PGGHG: variants seen among roughly 807,000 people sequenced by gnomAD.
The protein encoded by PGGHG is ATH1, acid trehalase-like 1.
A neutral mutation model predicts 74.5 loss-of-function variants in PGGHG; 67 were observed. That is an observed-to-expected ratio of 0.90 (90% CI 0.74 to 1.10). The LOEUF (loss-of-function observed/expected upper bound fraction) is 1.10, where lower values mean the gene tolerates loss of function less well. Among genes scored for constraint, PGGHG ranks in the 50% least tolerant of loss-of-function variants. The pLI, the probability that PGGHG is intolerant of heterozygous loss-of-function variation, is 0.00. For synonymous variants in PGGHG, 496 were observed against 419.9 expected, an observed-to-expected ratio of 1.18 and a Z score of -2.21; for missense variants, 1,034 against 981.5, an observed-to-expected ratio of 1.05 and a Z score of -0.72.
intron 11 of PGGHG, 78 bp downstream of exon 11, chr11:294,003 G>A: frequency 6.3e-7 from 1 of 1,585,562 alleles, no homozygotes; most frequent in Non-Finnish European, 8.6e-7. Flanking sequence ...GGCACAGCAG[G>A]GTGCACCCCT....
chr11:292,217 C>T lies in PGGHG; in HGVS notation c.1026+122C>T. ...GACAAAGCTGGGACATCCTAGATTC[C>T]CCACCCTGAGGCTTGTGGGGCCTCA... On this transcript the variant is annotated intron_variant, in intron 5 of 13. Transcript: ENST00000409548. The T allele has an allele frequency of 2.9e-6, 4 of 1,359,020 alleles. No individual in the cohort carries two copies. In the South Asian group the frequency reaches 4.6e-5, roughly 16 times the overall value. 84.2% of individuals were successfully genotyped at this position (1,359,020 alleles called of 1,614,324 possible). A position where few individuals can be genotyped will look rare whatever the true frequency, so the allele number is the denominator to read the frequency against.
At position 289,458 on chromosome 11, in the gene PGGHG, A is replaced by C; in HGVS notation, c.-14+219A>C. On this transcript the variant is annotated intron_variant, in intron 1 of 13. Coordinates refer to ENST00000409548, the MANE Select transcript of PGGHG (RefSeq NM_025092.5). The surrounding 1 kb of genome is among the most constrained non-coding windows in gnomAD (Gnocchi z 5.6). ...CACACGCCCGCCCCCACGTGCCACCAACAGACGCAGGTCCCGACCACAGAG... is the reference window on the plus strand; with the variant it reads ...CACACGCCCGCCCCCACGTGCCACCCACAGACGCAGGTCCCGACCACAGAG... 6.3e-6 allele frequency: 1 copy of C among 157,950 alleles called. No individual in the cohort carries two copies. The highest frequency in any genetic ancestry group is 1.3e-5 in the Non-Finnish European group (1 of 74,082). 9.8% of individuals were successfully genotyped at this position (157,950 alleles called of 1,614,324 possible).
chr11:290,986 T>C lies in PGGHG; in HGVS notation c.779T>C (p.Leu260Pro). 5 of 1,612,710 alleles carry C rather than the reference T, an allele frequency of 3.1e-6. No homozygotes were observed. The highest frequency in any genetic ancestry group is 4.2e-6 in the Non-Finnish European group (5 of 1,179,990). Residue 260 changes from leucine (L) to proline (P), a missense_variant, in exon 4 of 14, where the codon CTC (leucine) becomes CCC (proline). Coordinates refer to ENST00000409548, the MANE Select transcript of PGGHG (RefSeq NM_025092.5). The stretch of plus-strand genomic sequence containing the variant: ...CTGCGCCAGGCCCTGCGTGGCTCCC[T>C]CTACTACCTGCTCAGTGCCCTGCCC... ...LQLRQALRGSLYYLLSALPQP... is the reference protein window; with the variant it reads ...LQLRQALRGSPYYLLSALPQP...
chr11:293,967 T>TG, intron 11 of PGGHG, 42 bp downstream of exon 11: 3 of 1,599,970 alleles, frequency 1.9e-6, no homozygotes, highest in Non-Finnish European at 1.7e-6. Context: ...CCCCTTGTGG[T>TG]GGGAGTGGAG....
At chr11:293,540 G>A (rs756306006) in intron 9 of PGGHG, 38 bp downstream of exon 9, 6 of 1,612,012 alleles carry the variant, frequency 3.7e-6, no homozygotes, top group African/African-American at 1.3e-5. Flanking sequence ...CCCTGCCGTC[G>A]AGACCCTCGA....
At chr11:292,716 C>T (rs752196874) in intron 6 of PGGHG, 39 bp downstream of exon 6, 46 of 1,612,800 alleles carry the variant, frequency 2.9e-5, no homozygotes, top group Non-Finnish European at 3.4e-5. Context: ...CAAGTGTGGC[C>T]AGGCAGCTGG....
Position 294,742 on chromosome 11 carries a change from C to T in PGGHG, c.2207C>T (p.Ser736Phe), listed in dbSNP as rs746756660. The change falls in exon 14 of 14, where the codon TCT becomes TTT. Residue 736 changes from serine (S) to phenylalanine (F), a missense_variant. By Grantham distance (155) the Ser-to-Phe change is radical. Transcript: ENST00000409548. ...PTESLTVDPASE is the reference protein window; with the variant it reads ...PTESLTVDPAFE ...GAGTCACTCACTGTGGACCCTGCCT[C>T]TGAATAATCAGGAACGGTGGCTTCA... 1.9e-6 allele frequency: 3 copies of T among 1,596,708 alleles called. No individual in the cohort carries two copies. Among genetic ancestry groups the T allele is most frequent in the African/African-American group, 1.4e-5 (1 of 74,018 alleles).
Position 293,459 on chromosome 11 carries a change from C to T in PGGHG, c.1437C>T (p.Asp479=), listed in dbSNP as rs376447033. Residue 479 remains aspartate, a synonymous_variant, in exon 9 of 14, where the codon GAC becomes GAT. Transcript: ENST00000409548. ...CTGACAAGATCAAGGTACCCTTTGA[C>T]GTGGAGCAGAACTTCCACCCGGAGT... ...AVADKIKVPF[D]VEQNFHPEFD... 2.9e-5 allele frequency: 47 copies of T among 1,611,912 alleles called. No homozygotes were observed. The highest frequency in any genetic ancestry group is 5.0e-5 in the Admixed American group (3 of 59,992).
rs377335658 is a variant in PGGHG at position 291,015 on chromosome 11, C to T, written c.808C>T (p.Pro270Ser). ...CTACCTGCTCAGTGCCCTGCCCCAG[C>T]CCAAGGCCCCAGGATACATCTGCCA... ...LYYLLSALPQ[P>S]KAPGYICHGL... The change falls in exon 4 of 14, where the codon CCC becomes TCC. Residue 270 changes from proline to serine, a missense_variant. Pro to Ser is a moderately conservative substitution (Grantham distance 74, BLOSUM62 -1). Coordinates refer to ENST00000409548, the MANE Select transcript of PGGHG (RefSeq NM_025092.5). 2 of 1,612,510 alleles carry T rather than the reference C, an allele frequency of 1.2e-6. No individual in the cohort carries two copies. Among genetic ancestry groups the T allele is most frequent in the African/African-American group, 2.7e-5 (2 of 74,940 alleles).
Position 290,450 on chromosome 11 carries a change from A to T in PGGHG, c.320A>T (p.His107Leu), listed in dbSNP as rs1356167965. ...RFRASQCIYA[H>L]RTLPHVLAFR... Reference sequence around the variant, plus strand: ...CGGGCCTCCCAGTGCATCTATGCGCATCGCACGCTGCCCCACGTGCTGGCT... The same window carrying T: ...CGGGCCTCCCAGTGCATCTATGCGCTTCGCACGCTGCCCCACGTGCTGGCT... The change falls in exon 3 of 14, where the codon CAT (histidine) becomes CTT (leucine). Residue 107 changes from histidine (H) to leucine (L), a missense_variant. His to Leu is a moderately conservative substitution (Grantham distance 99). Transcript: ENST00000409548. 1.9e-6 allele frequency: 3 copies of T among 1,549,460 alleles called. No individual in the cohort carries two copies. The highest frequency in any genetic ancestry group is 2.4e-5 in the East Asian group (1 of 40,906).
rs1473016724 is a variant in PGGHG, at chr11:292,881, C to T, written c.1159-5C>T. 2 of 1,614,022 alleles carry T rather than the reference C, an allele frequency of 1.2e-6. No homozygotes were observed. Among genetic ancestry groups the T allele is most frequent in the Admixed American group, 3.3e-5 (2 of 60,020 alleles). On this transcript the variant is annotated splice_region_variant and splice_polypyrimidine_tract_variant and intron_variant, in intron 6 of 13. Coordinates refer to ENST00000409548, the MANE Select transcript of PGGHG (RefSeq NM_025092.5). ...CTGGCCTCTGTGCCTCCTCCTGCTCCCCAGGACCTGCAGCTATTTCGAGAG... is the reference window on the plus strand; with the variant it reads ...CTGGCCTCTGTGCCTCCTCCTGCTCTCCAGGACCTGCAGCTATTTCGAGAG...
chr11:289,629 G>A lies in PGGHG; in HGVS notation c.-13-175G>A, dbSNP rs1482129275. ...CTTTGGGGTCTGAGCCCCTCTGAGA[G>A]TCGAGCTCCTTTCCTGCGAGGCCCC... is the stretch of plus-strand genomic sequence containing the variant. On this transcript the variant is annotated intron_variant, in intron 1 of 13. Transcript: ENST00000409548. This position sits in a 1 kb window ranked among gnomAD's most constrained non-coding sequence, Gnocchi z 5.6. 4 of 775,360 alleles carry A rather than the reference G, an allele frequency of 5.2e-6. No individual in the cohort carries two copies. The highest frequency in any genetic ancestry group is 1.8e-5 in the African/African-American group (1 of 56,868). The allele number at this position is 775,360 out of a possible 1,614,324, so 48.0% of individuals were successfully genotyped here. A position where few individuals can be genotyped will look rare whatever the true frequency, so the allele number is the denominator to read the frequency against.
Position 293,016 on chromosome 11 carries a change from G to A in PGGHG, c.1270+19G>A, listed in dbSNP as rs752913524. The A allele has an allele frequency of 3.7e-6, 6 of 1,613,808 alleles. No homozygotes were observed. The highest frequency in any genetic ancestry group is 5.1e-6 in the Non-Finnish European group (6 of 1,179,906). On this transcript the variant is annotated intron_variant, in intron 7 of 13. Transcript: ENST00000409548. ...CTGAGGGGTGAGGCCATGGTGGGGA[G>A]GGGCTCGGGGAGGAAGGGTGGATGC...
At chr11:292,806 C>T in intron 6 of PGGHG, 80 bp from the exon 7 acceptor site, 1 of 1,608,638 alleles carries the variant, frequency 6.2e-7, no homozygotes, top group Non-Finnish European at 8.5e-7. Context: ...CAATGCCAGG[C>T]CTTGCTTCTG....
chr11:293,999 G>A, intron 11 of PGGHG, 74 bp downstream of exon 11: 1 of 1,587,854 alleles, frequency 6.3e-7, no homozygotes, highest in South Asian at 1.1e-5. Context: ...AGCAGGCACA[G>A]CAGGGTGCAC....
chr11:293,653 A>C lies in PGGHG; in HGVS notation c.1540A>C (p.Ser514Arg), dbSNP rs1845793454. 1 of 1,613,428 alleles carries C rather than the reference A, an allele frequency of 6.2e-7. No individual in the cohort carries two copies. The highest frequency in any genetic ancestry group is 1.3e-5 in the African/African-American group (1 of 75,014). Residue 514 changes from serine (S) to arginine (R), a missense_variant, in exon 10 of 14, where the codon AGT becomes CGT. Ser to Arg is a moderately radical substitution (Grantham distance 110, BLOSUM62 -1). Transcript: ENST00000409548. Reference sequence around the variant, plus strand: ...GGGATACCCAGTCCCCTTCTCCCTGAGTCCTGATGTTCGCAGGAAAAATCT... The same window carrying C: ...GGGATACCCAGTCCCCTTCTCCCTGCGTCCTGATGTTCGCAGGAAAAATCT... ...LLGYPVPFSL[S>R]PDVRRKNLEI...
Position 291,015 on chromosome 11 carries a change from C to G in PGGHG, c.808C>G (p.Pro270Ala), listed in dbSNP as rs377335658. 1.2e-6 allele frequency: 2 copies of G among 1,612,510 alleles called. No individual in the cohort carries two copies. Among genetic ancestry groups the G allele is most frequent in the African/African-American group, 1.3e-5 (1 of 74,940 alleles). Reference sequence around the variant, plus strand: ...CTACCTGCTCAGTGCCCTGCCCCAGCCCAAGGCCCCAGGATACATCTGCCA... The same window carrying G: ...CTACCTGCTCAGTGCCCTGCCCCAGGCCAAGGCCCCAGGATACATCTGCCA... ...LYYLLSALPQ[P>A]KAPGYICHGL... is the part of the protein sequence containing the mutation. The change falls in exon 4 of 14, where the codon CCC becomes GCC. Residue 270 changes from proline (P) to alanine (A), a missense_variant. Physicochemically the swap from Pro to Ala is conservative, Grantham distance 27. Transcript: ENST00000409548.
In PGGHG at chr11:295,006, C is replaced by G. The variant is rs2242564; in HGVS notation, c.*257C>G. On this transcript the variant is annotated 3_prime_UTR_variant, in exon 14 of 14. Coordinates refer to ENST00000409548, the MANE Select transcript of PGGHG (RefSeq NM_025092.5). ...CCTGTGGACTGATGCTATCGCGCAC[C>G]GTCCCACGACCCCACCCCGAGCTCC... 0.37 allele frequency: 140,455 copies of G among 382,366 alleles called. 29,076 individuals are homozygous for G. The highest frequency in any genetic ancestry group is 0.5 in the Middle Eastern group (724 of 1,452). The allele number at this position is 382,366 out of a possible 1,614,324, so 23.7% of individuals were successfully genotyped here. A position where few individuals can be genotyped will look rare whatever the true frequency, so the allele number is the denominator to read the frequency against.
In PGGHG at chr11:290,884, C is replaced by T. The variant is rs1845698120; in HGVS notation, c.677C>T (p.Ala226Val). Residue 226 changes from alanine to valine, a missense_variant, in exon 4 of 14, where the codon GCT (alanine) becomes GTT (valine). Transcript: ENST00000409548. ...TEALQLQARG[A>V]LYTAHAQAWA... Reference sequence around the variant, plus strand: ...GCCCTGCAGCTGCAGGCCAGGGGAGCTCTGTATACGGCTCACGCACAGGCC... The same window carrying T: ...GCCCTGCAGCTGCAGGCCAGGGGAGTTCTGTATACGGCTCACGCACAGGCC... 3.1e-6 allele frequency: 5 copies of T among 1,611,564 alleles called. No individual in the cohort carries two copies. Among genetic ancestry groups the T allele is most frequent in the South Asian group, 1.1e-5 (1 of 90,894 alleles).
Sources: gnomAD v4.1 joint callset for allele counts on GRCh38, gnomAD v4.1.1 for gene constraint, Gnocchi (gnomAD v3.1) non-coding constraint, MANE v1.5 for transcripts, NCBI Gene and HGNC (gene_info 2026-07-23, HGNC 2026-07-21) for gene names.